The following IL1RAPL2 variants were observed in gnomAD, a reference collection of about 807,000 sequenced individuals.
The protein encoded by IL1RAPL2 is X-linked interleukin-1 receptor accessory protein-like 2.
Under a neutral mutation model 44.1 loss-of-function variants are expected in IL1RAPL2, and 3 were observed. The observed-to-expected ratio is 0.07, with a 90% CI of 0.03 to 0.18. The LOEUF (loss-of-function observed/expected upper bound fraction) is 0.18. Ranked by LOEUF, IL1RAPL2 falls within the 10% of genes least tolerant of loss-of-function variation. The probability of loss-of-function intolerance (pLI) is 1.00; values close to 1 mark genes in which losing one functional copy is unlikely to be tolerated. For missense variants in IL1RAPL2, 391 were observed against 496.4 expected (o/e 0.79, Z 2.02); for synonymous variants, 181 against 178.8 (o/e 1.01, Z -0.10).
intron 1 of IL1RAPL2, among the ~76,000 whole-genome samples, chrX:104,620,320 C>T (rs993015120): frequency 1.3e-4 from 13 of 98,898 alleles, no homozygotes; most frequent in African/African-American, 4.4e-4. Context: ...TCCCCCAAAA[C>T]TATTGAAATA....
intron 6 of IL1RAPL2, among the ~76,000 whole-genome samples, chrX:105,716,792 C>T (rs967593401): frequency 3.6e-5 from 4 of 111,512 alleles, no homozygotes; most frequent in Non-Finnish European, 7.5e-5. Context: ...GTCTTCTCAC[C>T]AACCAAAAAT....
chrX:104,672,432 T>A (rs1454088971), intron 2 of IL1RAPL2, among the ~76,000 whole-genome samples: 1 of 110,563 alleles, frequency 9.0e-6, no homozygotes, highest in Non-Finnish European at 1.9e-5. Flanking sequence ...GAACTCATCA[T>A]TTTTTATGGC....
intron 2 of IL1RAPL2, among the ~76,000 whole-genome samples, chrX:105,186,130 G>A (rs2033584168): frequency 9.0e-6 from 1 of 111,462 alleles, no homozygotes; most frequent in South Asian, 3.8e-4. Flanking sequence ...AAGGTCTTGA[G>A]CATTCAAAGA....
intron 2 of IL1RAPL2, among the ~76,000 whole-genome samples, chrX:105,097,330 C>CAAA (rs201390547): frequency 1.1e-3 from 48 of 43,150 alleles, no homozygotes; most frequent in African/African-American, 2.9e-3. Context: ...CAGTGTCAGA[C>CAAA]AAAAAAAAAA....
At position 104,794,791 on chromosome X, in the gene IL1RAPL2, T is replaced by C. The variant is rs1382180800; in HGVS notation, c.82+135796T>C. ...TTGATAGTACAAAAGATTTTCCCAGTAGTAACAGTTAATGCATGCTTTCCC... is the reference window on the plus strand; with the variant it reads ...TTGATAGTACAAAAGATTTTCCCAGCAGTAACAGTTAATGCATGCTTTCCC... On this transcript the variant is annotated intron_variant, in intron 2 of 10. Transcript: ENST00000372582. Among the ~76,000 whole-genome samples the C allele has an allele frequency of 1.1e-4, 12 of 111,963 alleles. No homozygotes were observed. The Admixed American group carries it at 1.1e-3, about 11-fold the overall frequency.
At chrX:104,657,168 C>A (rs1359055835) in intron 1 of IL1RAPL2, among the ~76,000 whole-genome samples, 1 of 111,096 alleles carries the variant, frequency 9.0e-6, no homozygotes, top group Non-Finnish European at 1.9e-5. Flanking sequence ...AGCATTTAGT[C>A]CATTTACATT....
At chrX:105,719,845 C>T (rs1209190251) in intron 7 of IL1RAPL2, among the ~76,000 whole-genome samples, 2 of 110,630 alleles carry the variant, frequency 1.8e-5, no homozygotes, top group Non-Finnish European at 3.8e-5. Context: ...TATTAATTGC[C>T]ATTTGTACTT....
At chrX:105,087,973 A>G (rs1217546764) in intron 2 of IL1RAPL2, among the ~76,000 whole-genome samples, 2 of 112,140 alleles carry the variant, frequency 1.8e-5, no homozygotes, top group Non-Finnish European at 3.8e-5. Flanking sequence ...AGAGTAATGT[A>G]TTTTTGTAAC....
At position 105,039,704 on chromosome X, in the gene IL1RAPL2, G is replaced by C. The variant is rs1184524373; in HGVS notation, c.83-155771G>C. On this transcript the variant is annotated intron_variant, in intron 2 of 10. Transcript: ENST00000372582. ...CTATCTGTTATCGGTGTATAAGAAT[G>C]CTTGTGATTTTTTGTACACTGACTT... Among the ~76,000 whole-genome samples, 11 of 111,792 alleles carry C rather than the reference G, an allele frequency of 9.8e-5. No homozygotes were observed. In the Admixed American group the frequency reaches 1.0e-3, roughly 11 times the overall value.
chrX:105,460,535 G>A (rs758636211), intron 5 of IL1RAPL2, among the ~76,000 whole-genome samples: 2 of 110,446 alleles, frequency 1.8e-5, no homozygotes, highest in African/African-American at 6.6e-5. Context: ...AATCACATAA[G>A]CACGTAAATA....
At chrX:104,733,574 C>T (rs1227739852) in intron 2 of IL1RAPL2, among the ~76,000 whole-genome samples, 7 of 108,478 alleles carry the variant, frequency 6.5e-5, no homozygotes, top group South Asian at 4.0e-4. Context: ...GAGCAGAGAT[C>T]ATACCACTGC....
chrX:105,239,908 C>A (rs1325252152), intron 4 of IL1RAPL2, among the ~76,000 whole-genome samples: 1 of 111,560 alleles, frequency 9.0e-6, no homozygotes, highest in African/African-American at 3.3e-5. Context: ...TCACCCTTCT[C>A]GCAAGGAAAA....
chrX:105,098,465 C>T (rs772386662), intron 2 of IL1RAPL2, among the ~76,000 whole-genome samples: 3 of 111,928 alleles, frequency 2.7e-5, no homozygotes, highest in Non-Finnish European at 5.6e-5. Flanking sequence ...ACAGAAATTT[C>T]GTCACCTAAG....
At chrX:105,365,959 T>C (rs1029303529) in intron 5 of IL1RAPL2, among the ~76,000 whole-genome samples, 2 of 109,032 alleles carry the variant, frequency 1.8e-5, no homozygotes, top group African/African-American at 6.7e-5. Flanking sequence ...TTCTTTTTTT[T>C]TTTTTGAAAC....
chrX:104,584,673 A>G (rs949306282), intron 1 of IL1RAPL2, among the ~76,000 whole-genome samples: 1 of 111,278 alleles, frequency 9.0e-6, no homozygotes, highest in African/African-American at 3.3e-5. Context: ...GAAGCTATGT[A>G]GTGACATTTC....
At chrX:105,759,381 G>GA (rs996016494) in intron 10 of IL1RAPL2, among the ~76,000 whole-genome samples, 5 of 111,051 alleles carry the variant, frequency 4.5e-5, no homozygotes, top group Admixed American at 2.9e-4. Context: ...ACTTTGAAGA[G>GA]AAAAAAAATC....
intron 1 of IL1RAPL2, among the ~76,000 whole-genome samples, chrX:104,574,775 A>G (rs1195612876): frequency 8.9e-6 from 1 of 112,129 alleles, no homozygotes; most frequent in Non-Finnish European, 1.9e-5. Context: ...ATATAATTTA[A>G]TGGAAAAGGT....
At chrX:104,883,274 A>G (rs1923123213) in intron 2 of IL1RAPL2, among the ~76,000 whole-genome samples, 1 of 111,514 alleles carries the variant, frequency 9.0e-6, no homozygotes. Context: ...TCGGCCAGTT[A>G]AAAGCGACTA....
chrX:105,272,534 G>T (rs894930370), intron 5 of IL1RAPL2, among the ~76,000 whole-genome samples: 2 of 112,144 alleles, frequency 1.8e-5, no homozygotes, highest in Middle Eastern at 4.7e-3. Flanking sequence ...CAGCTCTAGA[G>T]TCCCTGGTTG....
Sources: gnomAD v4.1 joint callset for allele counts (sites outside exome capture counted in the v4.1 genomes callset) on GRCh38, gnomAD v4.1.1 for gene constraint, MANE v1.5 for transcripts, NCBI Gene and HGNC (gene_info 2026-07-23, HGNC 2026-07-21) for gene names.